The following CCDC196 variants were observed in gnomAD, a reference collection of about 807,000 sequenced individuals.
The protein encoded by CCDC196 is coiled-coil domain-containing protein 196.
chr14:66,494,300 G>T (rs1393683241), intron 8 of CCDC196, among the ~76,000 whole-genome samples: 1 of 152,128 alleles, frequency 6.6e-6, no homozygotes, highest in South Asian at 2.1e-4. Context: ...AGCCCAAGTG[G>T]ATTTGAAATC....
chr14:66,487,863 A>T (rs1215237700), intron 2 of CCDC196, among the ~76,000 whole-genome samples: 1 of 152,152 alleles, frequency 6.6e-6, no homozygotes, highest in Non-Finnish European at 1.5e-5. Context: ...CCCAAAAGTC[A>T]CACACTGCAA....
In CCDC196 at chr14:66,498,476, G is replaced by T. The variant is rs2057717786; in HGVS notation, c.*4G>T. The stretch of plus-strand genomic sequence containing the variant: ...AGATGAAGCACTGAAGAATTAGCAG[G>T]CTTTCGCTCCATTTGCTTTGGACAG... On this transcript the variant is annotated 3_prime_UTR_variant, in exon 10 of 10. Transcript: ENST00000636229. 4.8e-6 allele frequency: 2 copies of T among 413,380 alleles called. No homozygotes were observed. Among genetic ancestry groups the T allele is most frequent in the Non-Finnish European group, 8.9e-6 (2 of 225,748 alleles). 25.6% of individuals were successfully genotyped at this position (413,380 alleles called of 1,614,324 possible).
chr14:66,494,075 T>C (rs1001836579), intron 8 of CCDC196: 1 of 152,230 alleles, frequency 6.6e-6, no homozygotes, highest in Admixed American at 6.5e-5. Flanking sequence ...CAACTTTGAA[T>C]TGGAACAGCC....
At chr14:66,496,319 G>A in intron 8 of CCDC196, 1 of 456,256 alleles carries the variant, frequency 2.2e-6, no homozygotes, top group South Asian at 1.5e-5. Context: ...GGTTGGCTGA[G>A]TTGCAGTGGT....
At chr14:66,497,966 C>A (rs1007519137) in intron 8 of CCDC196, 143 bp from the exon 9 acceptor site, 6 of 398,456 alleles carry the variant, frequency 1.5e-5, no homozygotes, top group African/African-American at 8.4e-5. Context: ...TATTGTTTGA[C>A]AAAGTTATTT....
chr14:66,496,884 A>G (rs957198829), intron 8 of CCDC196: 1 of 153,024 alleles, frequency 6.5e-6, no homozygotes, highest in Admixed American at 6.5e-5. Flanking sequence ...ATTATGCTAC[A>G]CTTATAAATT....
Position 66,486,490 on chromosome 14 carries a change from G to A in CCDC196, c.-13G>A. ...CAGGAAGGCCTCTTTATTCTTAGAA[G>A]TTACCCTTCAAGATGACAAGTGGTG... On this transcript the variant is annotated 5_prime_UTR_variant, in exon 1 of 10. Transcript: ENST00000636229. The A allele has an allele frequency of 2.4e-6, 1 of 411,134 alleles. No homozygotes were observed. Among genetic ancestry groups the A allele is most frequent in the Non-Finnish European group, 4.4e-6 (1 of 226,006 alleles). The allele number at this position is 411,134 out of a possible 1,614,324, so 25.5% of individuals were successfully genotyped here. A position where few individuals can be genotyped will look rare whatever the true frequency, so the allele number is the denominator to read the frequency against.
chr14:66,489,792 A>G (rs2057495201), intron 4 of CCDC196, among the ~76,000 whole-genome samples: 1 of 152,162 alleles, frequency 6.6e-6, no homozygotes, highest in Non-Finnish European at 1.5e-5. Flanking sequence ...TACAGCAATC[A>G]CCACATTGTT....
chr14:66,495,495 C>T (rs1465381129), intron 8 of CCDC196, among the ~76,000 whole-genome samples: 1 of 152,204 alleles, frequency 6.6e-6, no homozygotes, highest in Non-Finnish European at 1.5e-5. Flanking sequence ...CTAGACTATG[C>T]TACAAAATGG....
intron 3 of CCDC196, 110 bp from the exon 4 acceptor site, chr14:66,488,877 C>T: frequency 2.4e-6 from 1 of 409,540 alleles, no homozygotes; most frequent in East Asian, 3.6e-5. Flanking sequence ...CTGTGGTTTA[C>T]TATGTCCCTG....
chr14:66,487,227 C>A (rs2057425225), intron 2 of CCDC196, among the ~76,000 whole-genome samples: 1 of 152,138 alleles, frequency 6.6e-6, no homozygotes, highest in Non-Finnish European at 1.5e-5. Context: ...TAGGGCACAG[C>A]CTCTCTAAAT....
At chr14:66,497,862 CTTT>C (rs2057702844) in intron 8 of CCDC196, among the ~76,000 whole-genome samples, 1 of 151,972 alleles carries the variant, frequency 6.6e-6, no homozygotes, top group African/African-American at 2.4e-5. Flanking sequence ...TATTCCACTT[CTTT>C]ATTTACTTGC....
chr14:66,496,323 C>G (rs1464877824), intron 8 of CCDC196: 1 of 456,116 alleles, frequency 2.2e-6, no homozygotes, highest in East Asian at 6.9e-5. Flanking sequence ...GGCTGAGTTG[C>G]AGTGGTATGA....
intron 4 of CCDC196, 54 bp from the exon 5 acceptor site, chr14:66,490,688 C>A: frequency 2.5e-6 from 1 of 398,802 alleles, no homozygotes. Flanking sequence ...TGGTTTTCCA[C>A]TTCCCTCTTT....
chr14:66,496,643 T>C, intron 8 of CCDC196: 1 of 247,182 alleles, frequency 4.0e-6, no homozygotes, highest in African/African-American at 2.2e-5. Flanking sequence ...TTGTGGACTT[T>C]GGCAGTCACC....
At chr14:66,487,817 T>C (rs900150194) in intron 2 of CCDC196, among the ~76,000 whole-genome samples, 2 of 152,142 alleles carry the variant, frequency 1.3e-5, no homozygotes, top group African/African-American at 4.8e-5. Context: ...TTCTTCAACC[T>C]CTTCTTATAA....
At chr14:66,490,945 A>G in intron 5 of CCDC196, 76 bp from the exon 6 acceptor site, 1 of 413,020 alleles carries the variant, frequency 2.4e-6, no homozygotes, top group Non-Finnish European at 4.4e-6. Context: ...AGGGTTTATT[A>G]GATTTATGGC....
intron 8 of CCDC196, chr14:66,496,250 T>G (rs1364454016): frequency 6.6e-6 from 3 of 456,168 alleles, no homozygotes; most frequent in African/African-American, 6.0e-5. Flanking sequence ...TCCAAGTAGA[T>G]GAAGAGTTTA....
chr14:66,497,825 G>C (rs1209217034), intron 8 of CCDC196, among the ~76,000 whole-genome samples: 1 of 151,832 alleles, frequency 6.6e-6, no homozygotes, highest in African/African-American at 2.4e-5. Flanking sequence ...GTTTATCTGA[G>C]GGTATGTATA....
Sources: allele counts gnomAD v4.1 joint callset (sites outside exome capture counted in the v4.1 genomes callset), GRCh38; gene constraint gnomAD v4.1.1; transcripts MANE v1.5; gene names NCBI Gene and HGNC (gene_info 2026-07-23, HGNC 2026-07-21).